The following SHTN1 variants were observed in gnomAD, a reference collection of about 807,000 sequenced individuals.
SHTN1 encodes shootin 1, also known as shootin-1.
A neutral mutation model predicts 83.1 loss-of-function variants in SHTN1; 42 were observed. That is an observed-to-expected ratio of 0.51 (90% CI 0.39 to 0.65). The LOEUF is 0.65. SHTN1 is among the 30% of genes least tolerant of loss of function. The probability of loss-of-function intolerance (pLI) is 0.00; values close to 1 mark genes in which losing one functional copy is unlikely to be tolerated. For synonymous variants in SHTN1, 224 were observed against 247.7 expected (o/e 0.90, Z 0.90); for missense variants, 622 against 737.8 (o/e 0.84, Z 1.82).
At chr10:117,118,163 A>C (rs1175963404) in intron 1 of SHTN1, among the ~76,000 whole-genome samples, 1 of 152,152 alleles carries the variant, frequency 6.6e-6, no homozygotes, top group Non-Finnish European at 1.5e-5. Flanking sequence ...TAAAAACCAG[A>C]CTATATAAGC....
chr10:116,897,622 G>A (rs1054958721), intron 16 of SHTN1, among the ~76,000 whole-genome samples: 1 of 152,180 alleles, frequency 6.6e-6, no homozygotes, highest in Non-Finnish European at 1.5e-5. Context: ...GATAAGATAG[G>A]AAAGGAATTT....
chr10:116,981,991 G>C (rs1564912456), intron 1 of SHTN1, among the ~76,000 whole-genome samples: 1 of 152,210 alleles, frequency 6.6e-6, no homozygotes. Context: ...CCGGGAGGCA[G>C]AGGTTGCAGT....
At position 116,987,930 on chromosome 10, in the gene SHTN1, A is replaced by C. The variant is rs113808071; in HGVS notation, c.59-8622T>G. Among the ~76,000 whole-genome samples the C allele has an allele frequency of 6.1e-3, 921 of 152,024 alleles. 9 individuals carry two copies. The highest frequency in any genetic ancestry group is 0.031 in the South Asian group (149 of 4,826). On this transcript the variant is annotated intron_variant, in intron 1 of 16. Coordinates refer to ENST00000355371, the MANE Select transcript of SHTN1 (RefSeq NM_001127211.3). ...CCGTCTCAAAAAAACAAACAAACAA[A>C]AAAAAAAACCGTGGGTGCCAAGGAT...
intron 8 of SHTN1, among the ~76,000 whole-genome samples, chr10:116,944,143 A>G (rs995285731): frequency 6.6e-6 from 1 of 152,186 alleles, no homozygotes; most frequent in African/African-American, 2.4e-5. Context: ...CTGATACCAT[A>G]ATACTGTTAT....
intron 1 of SHTN1, among the ~76,000 whole-genome samples, chr10:117,071,350 C>G (rs1236195262): frequency 1.3e-5 from 2 of 152,016 alleles, no homozygotes; most frequent in African/African-American, 4.8e-5. Context: ...TTTTCTGGCC[C>G]TATAAATGGT....
intron 7 of SHTN1, among the ~76,000 whole-genome samples, chr10:116,946,028 T>C (rs1020369694): frequency 6.6e-6 from 1 of 151,914 alleles, no homozygotes; most frequent in Admixed American, 6.6e-5. Flanking sequence ...AACAATGCTG[T>C]TTAGAGATAT....
chr10:116,899,497 G>C (rs548396545), intron 16 of SHTN1, among the ~76,000 whole-genome samples: 2 of 144,326 alleles, frequency 1.4e-5, no homozygotes, highest in South Asian at 2.3e-4. Context: ...AGTTAGAGTG[G>C]CTGGGGCTGG....
intron 2 of SHTN1, among the ~76,000 whole-genome samples, chr10:116,975,732 G>A (rs1850780452): frequency 1.3e-5 from 2 of 151,970 alleles, no homozygotes; most frequent in African/African-American, 4.8e-5. Flanking sequence ...CAAAACATGG[G>A]TCCACTCCCC....
At chr10:117,044,748 T>C (rs555886821) in intron 2 of SHTN1, among the ~76,000 whole-genome samples, 5 of 152,106 alleles carry the variant, frequency 3.3e-5, no homozygotes, top group Non-Finnish European at 5.9e-5. Flanking sequence ...AACACCTATG[T>C]TGAAGTGAAA....
intron 2 of SHTN1, among the ~76,000 whole-genome samples, chr10:117,017,247 T>C (rs1452160133): frequency 1.3e-5 from 2 of 152,020 alleles, no homozygotes; most frequent in Middle Eastern, 6.8e-3. Context: ...ATCCCAGCAC[T>C]TTGGGAGGCC....
At chr10:117,109,000 T>C (rs554438575) in intron 1 of SHTN1, among the ~76,000 whole-genome samples, 2 of 152,320 alleles carry the variant, frequency 1.3e-5, no homozygotes, top group South Asian at 4.1e-4. Flanking sequence ...TGAAGACCTA[T>C]TGACTAAGAC....
intron 1 of SHTN1, among the ~76,000 whole-genome samples, chr10:116,992,508 C>T (rs927719066): frequency 6.6e-6 from 1 of 152,204 alleles, no homozygotes; most frequent in African/African-American, 2.4e-5. Context: ...CTGTCCTGCA[C>T]TTAAGAAGGA....
In SHTN1 at chr10:117,099,370, A is replaced by G. The variant is rs1406951554; in HGVS notation, c.-189+26937T>C. On this transcript the variant is annotated intron_variant, in intron 1 of 17. Coordinates refer to the SHTN1 transcript ENST00000392901. ...TAACCAAAAAAAAACCAGTACCCCAAAAACTATTGGAATAAAAAAATTTTA... is the reference window on the plus strand; with the variant it reads ...TAACCAAAAAAAAACCAGTACCCCAGAAACTATTGGAATAAAAAAATTTTA... 2.6e-5 allele frequency among the ~76,000 whole-genome samples: 4 copies of G among 152,120 alleles called. No individual in the cohort carries two copies. In the East Asian group the frequency reaches 5.8e-4, roughly 22 times the overall value.
In SHTN1 at chr10:116,924,744, CTAT is replaced by C. The variant is rs1387344427; in HGVS notation, c.1112+3045_1112+3047del. On this transcript the variant is annotated intron_variant, in intron 11 of 16. Coordinates refer to ENST00000355371, the MANE Select transcript of SHTN1 (RefSeq NM_001127211.3). ...GAACATTTCAGTGGAGAATTTTCAC[CTAT>C]TTTTTTTTTTTTTTTTTTTTTTTTT... Among the ~76,000 whole-genome samples, 112 of 133,730 alleles carry C rather than the reference CTAT, an allele frequency of 8.4e-4. 5 individuals are homozygous for C. The highest frequency in any genetic ancestry group is 3.0e-3 in the African/African-American group (104 of 34,128). 87.7% of individuals were successfully genotyped at this position (133,730 alleles called of 152,430 possible).
At chr10:117,100,804 T>C (rs1287987129) in intron 1 of SHTN1, among the ~76,000 whole-genome samples, 1 of 152,068 alleles carries the variant, frequency 6.6e-6, no homozygotes, top group Non-Finnish European at 1.5e-5. Context: ...CGGCAAAAAA[T>C]TGAGGGAATA....
At chr10:116,952,054 TAAG>T (rs993502240) in intron 5 of SHTN1, 48 bp from the exon 6 acceptor site, 1 of 985,614 alleles carries the variant, frequency 1.0e-6, no homozygotes, top group African/African-American at 1.7e-5. Flanking sequence ...ATTTTTAAAA[TAAG>T]AAATCAATCT....
intron 2 of SHTN1, among the ~76,000 whole-genome samples, chr10:117,018,111 G>A (rs942381320): frequency 2.0e-5 from 3 of 152,118 alleles, no homozygotes; most frequent in Non-Finnish European, 4.4e-5. Flanking sequence ...TCCTGGAACA[G>A]AAAAAGGGCA....
chr10:117,046,718 C>G (rs1852668607), intron 2 of SHTN1, among the ~76,000 whole-genome samples: 1 of 152,084 alleles, frequency 6.6e-6, no homozygotes, highest in African/African-American at 2.4e-5. Context: ...GCTACATCAT[C>G]CAACCTTGAA....
chr10:116,924,937 T>C (rs1489693764), intron 11 of SHTN1, among the ~76,000 whole-genome samples: 3 of 151,942 alleles, frequency 2.0e-5, no homozygotes, highest in South Asian at 2.1e-4. Flanking sequence ...TTTGTATTTT[T>C]AGTAGAGACG....
Sources: allele counts gnomAD v4.1 joint callset (sites outside exome capture counted in the v4.1 genomes callset), GRCh38; gene constraint gnomAD v4.1.1; transcripts MANE v1.5; gene names NCBI Gene and HGNC (gene_info 2026-07-23, HGNC 2026-07-21).